CCDC12: variants seen among roughly 807,000 people sequenced by gnomAD.
CCDC12 encodes coiled-coil domain containing 12.
A neutral mutation model predicts 25.7 loss-of-function variants in CCDC12; 28 were observed. The ratio of observed to expected loss-of-function variants is 1.09; its 90% CI spans 0.81 to 1.50. The LOEUF (loss-of-function observed/expected upper bound fraction) is 1.50. Among genes scored for constraint, CCDC12 ranks in the 40% most tolerant of loss-of-function variants. The pLI is 0.00. For synonymous variants in CCDC12, 75 were observed against 87.7 expected, an observed-to-expected ratio of 0.86 and a Z score of 0.81; for missense variants, 198 against 210.0, an observed-to-expected ratio of 0.94 and a Z score of 0.35.
chr3:46,950,713 C>T (rs969531223), intron 1 of CCDC12, among the ~76,000 whole-genome samples: 1 of 152,038 alleles, frequency 6.6e-6, no homozygotes, highest in African/African-American at 2.4e-5. Flanking sequence ...ATATGCTAAA[C>T]TTAATTTTTA....
At chr3:46,925,799 G>A (rs965194434) in intron 2 of CCDC12, among the ~76,000 whole-genome samples, 1 of 152,200 alleles carries the variant, frequency 6.6e-6, no homozygotes, top group African/African-American at 2.4e-5. Context: ...GCTGGGCCAA[G>A]GACGCCTAGG....
chr3:46,947,023 G>A (rs945669518), intron 1 of CCDC12, among the ~76,000 whole-genome samples: 1 of 152,208 alleles, frequency 6.6e-6, no homozygotes, highest in Non-Finnish European at 1.5e-5. Flanking sequence ...TCCTGAAGAA[G>A]CTAGAGACTC....
At chr3:46,976,451 A>T in intron 1 of CCDC12, 186 bp downstream of exon 1, 1 of 1,423,862 alleles carries the variant, frequency 7.0e-7, no homozygotes, top group East Asian at 2.5e-5. Context: ...CCAGCGCCAG[A>T]GGAGTCCCAC....
intron 2 of CCDC12, among the ~76,000 whole-genome samples, chr3:46,926,436 G>A (rs1384412394): frequency 6.6e-6 from 1 of 152,214 alleles, no homozygotes; most frequent in Non-Finnish European, 1.5e-5. Context: ...GAGCCACAAG[G>A]GGCCAGAATC....
chr3:46,971,958 CA>C (rs2034815970), intron 1 of CCDC12, among the ~76,000 whole-genome samples: 1 of 152,142 alleles, frequency 6.6e-6, no homozygotes, highest in Non-Finnish European at 1.5e-5. Flanking sequence ...CATACTTCCT[CA>C]CCAGACTCCC....
intron 1 of CCDC12, among the ~76,000 whole-genome samples, chr3:46,962,902 T>C (rs2034506287): frequency 6.6e-6 from 1 of 152,144 alleles, no homozygotes; most frequent in Non-Finnish European, 1.5e-5. Flanking sequence ...CCAAGACATG[T>C]ACAAGACTGG....
chr3:46,981,172 C>T (rs1265240571), upstream of CCDC12, among the ~76,000 whole-genome samples: 3 of 151,900 alleles, frequency 2.0e-5, no homozygotes, highest in Non-Finnish European at 2.9e-5. Context: ...TGGCCGGGCA[C>T]GGTGGCTCAC....
upstream of CCDC12, chr3:46,979,700 C>T (rs886058587): frequency 9.6e-6 from 3 of 311,436 alleles, no homozygotes; most frequent in Non-Finnish European, 1.8e-5. Flanking sequence ...TTGGGTGGCT[C>T]TGCGCCGCGG....
chr3:46,977,674 T>C (rs1280758693), upstream of CCDC12, among the ~76,000 whole-genome samples: 1 of 152,150 alleles, frequency 6.6e-6, no homozygotes, highest in Non-Finnish European at 1.5e-5. Flanking sequence ...TGTTTCCCTC[T>C]GGACTCAAAG....
chr3:46,958,070 T>C (rs1323754204), intron 1 of CCDC12, among the ~76,000 whole-genome samples: 1 of 151,440 alleles, frequency 6.6e-6, no homozygotes, highest in African/African-American at 2.4e-5. Context: ...ACCAAGAGTT[T>C]GGCCTAGGCC....
chr3:46,922,704 G>A (rs150273901), intron 5 of CCDC12: 39 of 308,978 alleles, frequency 1.3e-4, no homozygotes, highest in Admixed American at 4.7e-4. Context: ...ACCCAGAAGT[G>A]CACAAGCACT....
chr3:46,958,337 T>G (rs1005671731), intron 1 of CCDC12, among the ~76,000 whole-genome samples: 6 of 152,178 alleles, frequency 3.9e-5, no homozygotes, highest in Non-Finnish European at 8.8e-5. Flanking sequence ...ACTCAGATCT[T>G]AGTTATAGAC....
At chr3:46,924,700 T>C (rs2032861642) in intron 3 of CCDC12, among the ~76,000 whole-genome samples, 1 of 151,760 alleles carries the variant, frequency 6.6e-6, no homozygotes, top group Admixed American at 6.6e-5. Context: ...ACACAAAAAT[T>C]AGCCAGGCGC....
chr3:46,960,022 G>A (rs923232310), intron 1 of CCDC12, among the ~76,000 whole-genome samples: 2 of 152,050 alleles, frequency 1.3e-5, no homozygotes, highest in Admixed American at 6.5e-5. Context: ...TCTCCTCCAC[G>A]CGACATGCAT....
intron 1 of CCDC12, among the ~76,000 whole-genome samples, chr3:46,951,798 A>AAAAAAAAAAAAAAT: frequency 2.4e-4 from 2 of 8,468 alleles, no homozygotes; most frequent in Non-Finnish European, 2.8e-4. Context: ...AAAAAAAAAA[A>AAAAAAAAAAAAAAT]ATATATATAT....
At chr3:46,948,085 C>G (rs2033973998) in intron 1 of CCDC12, among the ~76,000 whole-genome samples, 1 of 152,220 alleles carries the variant, frequency 6.6e-6, no homozygotes, top group African/African-American at 2.4e-5. Flanking sequence ...GCCCATCATC[C>G]TTATCAGATG....
At chr3:46,972,602 A>G (rs150372744) in intron 1 of CCDC12, among the ~76,000 whole-genome samples, 2 of 152,170 alleles carry the variant, frequency 1.3e-5, no homozygotes, top group East Asian at 3.9e-4. Context: ...GGATACCACC[A>G]CTTCACACCC....
intron 3 of CCDC12, 188 bp downstream of exon 3, chr3:46,925,268 C>G (rs1204507890): frequency 1.4e-6 from 1 of 707,132 alleles, no homozygotes; most frequent in African/African-American, 1.7e-5. Context: ...TCTTCAGTGC[C>G]CCGACAGCCT....
At chr3:46,972,470 A>G (rs1235065841) in intron 1 of CCDC12, among the ~76,000 whole-genome samples, 2 of 152,252 alleles carry the variant, frequency 1.3e-5, no homozygotes, top group African/African-American at 4.8e-5. Flanking sequence ...CCAATTAAAA[A>G]TATGGGCAAA....
Sources: gnomAD v4.1 joint callset for allele counts (sites outside exome capture counted in the v4.1 genomes callset) on GRCh38, gnomAD v4.1.1 for gene constraint, MANE v1.5 for transcripts, NCBI Gene and HGNC (gene_info 2026-07-23, HGNC 2026-07-21) for gene names.